SEMA3A: variants seen among roughly 807,000 people sequenced by gnomAD.
The protein encoded by SEMA3A is semaphorin 3A, also known as semaphorin-3A.
Under a neutral mutation model 97.9 loss-of-function variants are expected in SEMA3A, and 29 were observed. That is an observed-to-expected ratio of 0.30 (90% CI 0.22 to 0.40). The LOEUF is 0.40. SEMA3A is among the 10% of genes least tolerant of loss of function. The pLI, the probability that SEMA3A is intolerant of heterozygous loss-of-function variation, is 1.00. For synonymous variants in SEMA3A, 321 were observed against 323.7 expected (o/e 0.99, Z 0.09); for missense variants, 763 against 951.3 (o/e 0.80, Z 2.60).
At chr7:84,267,510 A>C (rs1800037111) in intron 3 of SEMA3A, among the ~76,000 whole-genome samples, 1 of 152,140 alleles carries the variant, frequency 6.6e-6, no homozygotes, top group Non-Finnish European at 1.5e-5. Flanking sequence ...TTTGTAAACA[A>C]TATTTCATGG....
chr7:84,405,892 C>G (rs1355135298), intron 1 of SEMA3A, among the ~76,000 whole-genome samples: 1 of 152,068 alleles, frequency 6.6e-6, no homozygotes, highest in Non-Finnish European at 1.5e-5. Context: ...GGGACACATT[C>G]AAAGCAGTAT....
At chr7:84,232,081 T>C (rs1252263264) in intron 3 of SEMA3A, among the ~76,000 whole-genome samples, 1 of 151,396 alleles carries the variant, frequency 6.6e-6, no homozygotes, top group Non-Finnish European at 1.5e-5. Context: ...CACACATACA[T>C]ACACACACCC....
At chr7:84,149,631 G>A (rs1422126032) in intron 1 of SEMA3A, among the ~76,000 whole-genome samples, 1 of 152,194 alleles carries the variant, frequency 6.6e-6, no homozygotes, top group African/African-American at 2.4e-5. Context: ...TATAGCATAA[G>A]CTAATTTCTC....
At chr7:84,034,992 T>C (rs965487715) in intron 6 of SEMA3A, among the ~76,000 whole-genome samples, 16 of 152,236 alleles carry the variant, frequency 1.1e-4, no homozygotes, top group Non-Finnish European at 1.2e-4. Context: ...TACTTTCTAG[T>C]GGAACTACTA....
chr7:84,064,545 C>A (rs1353800125), intron 4 of SEMA3A, among the ~76,000 whole-genome samples: 1 of 151,920 alleles, frequency 6.6e-6, no homozygotes, highest in Admixed American at 6.6e-5. Flanking sequence ...CAGAGACACA[C>A]ATAGGCTCAA....
intron 12 of SEMA3A, among the ~76,000 whole-genome samples, chr7:83,990,314 T>G (rs1054940294): frequency 6.6e-6 from 1 of 152,172 alleles, no homozygotes; most frequent in Non-Finnish European, 1.5e-5. Flanking sequence ...CAGAAGCTCT[T>G]TAGTTTAATT....
At chr7:84,154,251 G>T (rs1043590273) in intron 1 of SEMA3A, among the ~76,000 whole-genome samples, 17 of 152,046 alleles carry the variant, frequency 1.1e-4, no homozygotes, top group African/African-American at 4.1e-4. Context: ...TATGAGTAAA[G>T]CTGGGATGCC....
intron 5 of SEMA3A, among the ~76,000 whole-genome samples, chr7:84,046,694 C>G (rs1792368299): frequency 6.6e-6 from 1 of 151,932 alleles, no homozygotes; most frequent in South Asian, 2.1e-4. Flanking sequence ...CTTAGAAAAT[C>G]TGAATAAAGT....
chr7:84,453,701 C>T (rs892681827), intron 1 of SEMA3A, among the ~76,000 whole-genome samples: 1 of 152,104 alleles, frequency 6.6e-6, no homozygotes, highest in Non-Finnish European at 1.5e-5. Flanking sequence ...AATATTCTAT[C>T]GTGTACATTA....
chr7:84,333,138 T>G (rs1362060075), intron 2 of SEMA3A, among the ~76,000 whole-genome samples: 2 of 152,290 alleles, frequency 1.3e-5, no homozygotes, highest in Admixed American at 1.3e-4. Flanking sequence ...TGTAACTTTG[T>G]ACTTTTTGTG....
At chr7:84,288,780 C>T (rs1800662603) in intron 3 of SEMA3A, among the ~76,000 whole-genome samples, 1 of 152,026 alleles carries the variant, frequency 6.6e-6, no homozygotes, top group African/African-American at 2.4e-5. Context: ...GTTTGGTGGG[C>T]ATGTGAATTA....
chr7:84,246,119 G>A (rs950668030), intron 3 of SEMA3A, among the ~76,000 whole-genome samples: 1 of 152,182 alleles, frequency 6.6e-6, no homozygotes, highest in Non-Finnish European at 1.5e-5. Flanking sequence ...AGTGGGCTCC[G>A]CCCAGTCTGA....
At chr7:84,197,913 G>T (rs1289748288), upstream of SEMA3A, among the ~76,000 whole-genome samples, 1 of 150,988 alleles carries the variant, frequency 6.6e-6, no homozygotes, top group East Asian at 2.0e-4. Flanking sequence ...CTAATTTTTT[G>T]TATTTTAGTA....
chr7:84,416,244 A>C (rs1804430958), intron 1 of SEMA3A, among the ~76,000 whole-genome samples: 1 of 152,086 alleles, frequency 6.6e-6, no homozygotes, highest in Admixed American at 6.6e-5. Flanking sequence ...ATAATGAATA[A>C]GTCTCATGAG....
At chr7:84,385,656 G>C (rs1354446240) in intron 1 of SEMA3A, among the ~76,000 whole-genome samples, 1 of 152,054 alleles carries the variant, frequency 6.6e-6, no homozygotes, top group Non-Finnish European at 1.5e-5. Context: ...TCCCAGAAGA[G>C]CCACACTCTT....
chr7:84,413,147 G>C (rs1284159128), intron 1 of SEMA3A, among the ~76,000 whole-genome samples: 1 of 151,968 alleles, frequency 6.6e-6, no homozygotes, highest in Non-Finnish European at 1.5e-5. Flanking sequence ...CTTCTATGTA[G>C]GAACTTACCC....
At chr7:84,388,612 G>A (rs942213822) in intron 1 of SEMA3A, among the ~76,000 whole-genome samples, 10 of 151,862 alleles carry the variant, frequency 6.6e-5, no homozygotes, top group Non-Finnish European at 1.5e-4. Context: ...ATATGAATGT[G>A]GAATACAAAG....
Position 84,429,518 on chromosome 7 carries a change from A to T in SEMA3A, c.-245-57618T>A, listed in dbSNP as rs13230774. ...GCATTAGTAAAATATAGAGTTTGTT[A>T]TATATATATATATATATATATATAT... On this transcript the variant is annotated intron_variant, in intron 1 of 3. Transcript: ENST00000424555. Among the ~76,000 whole-genome samples the T allele has an allele frequency of 8.0e-3, 437 of 54,298 alleles. 7 individuals carry two copies. The highest frequency in any genetic ancestry group is 0.015 in the African/African-American group (188 of 12,182). The allele number at this position is 54,298 out of a possible 152,430, so 35.6% of individuals were successfully genotyped here.
At chr7:84,070,786 C>T (rs1214619423) in intron 4 of SEMA3A, among the ~76,000 whole-genome samples, 1 of 152,070 alleles carries the variant, frequency 6.6e-6, no homozygotes, top group Non-Finnish European at 1.5e-5. Flanking sequence ...TCTGCCCTCA[C>T]TCATCCTCAG....
Sources: gnomAD v4.1 joint callset for allele counts (sites outside exome capture counted in the v4.1 genomes callset) on GRCh38, gnomAD v4.1.1 for gene constraint, MANE v1.5 for transcripts, NCBI Gene and HGNC (gene_info 2026-07-23, HGNC 2026-07-21) for gene names.